TBL1X: variants seen among roughly 807,000 people sequenced by gnomAD.
The protein encoded by TBL1X is F-box-like/WD repeat-containing protein TBL1X.
A neutral mutation model predicts 50.7 loss-of-function variants in TBL1X; 10 were observed. The observed-to-expected ratio is 0.20, with a 90% confidence interval of 0.12 to 0.33. The LOEUF is 0.33. TBL1X is among the 10% of genes least tolerant of loss of function. The pLI, the probability that TBL1X is intolerant of heterozygous loss-of-function variation, is 1.00. For synonymous variants in TBL1X, 190 were observed against 214.7 expected (o/e 0.88, Z 1.01); for missense variants, 340 against 504.4 (o/e 0.67, Z 3.12).
intron 11 of TBL1X, among the ~76,000 whole-genome samples, chrX:9,695,964 C>A (rs934567239): frequency 4.4e-5 from 5 of 112,419 alleles, no homozygotes; most frequent in African/African-American, 1.6e-4. Flanking sequence ...ACCATCATTA[C>A]TTAGTCAACC....
chrX:9,546,073 C>T (rs1051216644), intron 2 of TBL1X, among the ~76,000 whole-genome samples: 6 of 111,942 alleles, frequency 5.4e-5, no homozygotes, highest in Non-Finnish European at 9.4e-5. Flanking sequence ...CACCAGATGG[C>T]TCCCTGTTGA....
chrX:9,519,814 T>C lies in TBL1X; in HGVS notation c.-131+17965T>C, dbSNP rs72611501. On this transcript the variant is annotated intron_variant, in intron 2 of 17. Coordinates refer to ENST00000645353, the MANE Select transcript of TBL1X (RefSeq NM_005647.4). ...GGGGTTGGAGGAACGGGGATAAAAA[T>C]TAGCTAGAATTCAAAAACGGCAGTG... 1.0e-3 allele frequency among the ~76,000 whole-genome samples: 116 copies of C among 111,903 alleles called. No homozygotes were observed. The East Asian group carries it at 0.014, about 13-fold the overall frequency.
At chrX:9,543,423 C>A (rs1166864866) in intron 2 of TBL1X, among the ~76,000 whole-genome samples, 1 of 111,374 alleles carries the variant, frequency 9.0e-6, no homozygotes, top group Admixed American at 9.5e-5. Context: ...TGGGTATTTT[C>A]CTGATTCGAA....
intron 5 of TBL1X, among the ~76,000 whole-genome samples, chrX:9,679,884 G>A (rs1485897970): frequency 8.9e-6 from 1 of 112,209 alleles, no homozygotes; most frequent in African/African-American, 3.2e-5. Context: ...GCAGCCTCTA[G>A]TACATAGTCC....
chrX:9,661,659 C>G (rs2082899486), intron 5 of TBL1X, among the ~76,000 whole-genome samples: 1 of 111,542 alleles, frequency 9.0e-6, no homozygotes, highest in Admixed American at 9.5e-5. Flanking sequence ...CCTCCTCTTT[C>G]CACAACAAAC....
chrX:9,589,388 C>T (rs771143524), intron 2 of TBL1X, among the ~76,000 whole-genome samples: 6 of 108,403 alleles, frequency 5.5e-5, no homozygotes, highest in East Asian at 2.9e-4. Flanking sequence ...TGGCGCCAGG[C>T]TCCAGTTCCC....
intron 2 of TBL1X, among the ~76,000 whole-genome samples, chrX:9,606,863 C>G (rs1455142948): frequency 8.9e-6 from 1 of 112,272 alleles, no homozygotes; most frequent in East Asian, 2.8e-4. Flanking sequence ...AACTTCAGAA[C>G]TGCTGCTGTC....
At chrX:9,677,642 G>T (rs777176980) in intron 5 of TBL1X, among the ~76,000 whole-genome samples, 17 of 111,003 alleles carry the variant, frequency 1.5e-4, no homozygotes, top group Non-Finnish European at 3.0e-4. Flanking sequence ...CAGCTTCTCG[G>T]TCCCTGTGTG....
At chrX:9,567,629 G>A (rs776984049) in intron 2 of TBL1X, among the ~76,000 whole-genome samples, 5 of 112,162 alleles carry the variant, frequency 4.5e-5, no homozygotes, top group Admixed American at 3.8e-4. Context: ...GGGCTGTCTT[G>A]CCCAGGTGGC....
At chrX:9,571,777 T>C (rs1220249256) in intron 2 of TBL1X, among the ~76,000 whole-genome samples, 1 of 111,820 alleles carries the variant, frequency 8.9e-6, no homozygotes, top group Admixed American at 9.5e-5. Context: ...ACTGTTCTAC[T>C]TTCTGTCTCT....
intron 5 of TBL1X, among the ~76,000 whole-genome samples, chrX:9,663,677 C>G (rs1419110891): frequency 4.6e-5 from 5 of 107,874 alleles, no homozygotes; most frequent in Admixed American, 1.0e-4. Flanking sequence ...AGGAGAAACG[C>G]TGGAACCCAG....
intron 11 of TBL1X, among the ~76,000 whole-genome samples, chrX:9,694,700 G>A (rs930938114): frequency 1.8e-5 from 2 of 111,871 alleles, no homozygotes; most frequent in South Asian, 3.7e-4. Context: ...TTGGCCGGTC[G>A]TGGTGGCTCA....
At chrX:9,569,333 T>TGTGC (rs1318937701) in intron 2 of TBL1X, among the ~76,000 whole-genome samples, 5 of 23,059 alleles carry the variant, frequency 2.2e-4, no homozygotes, top group Admixed American at 5.7e-4. Flanking sequence ...GTGTTGTGTC[T>TGTGC]ATCTGTGCAG....
At chrX:9,687,920 C>T in intron 6 of TBL1X, 97 bp from the exon 7 acceptor site, 1 of 1,125,195 alleles carries the variant, frequency 8.9e-7, no homozygotes, top group Non-Finnish European at 1.2e-6. Flanking sequence ...CTGTTTACGC[C>T]CCACTTCCCT....
chrX:9,669,727 G>A, intron 5 of TBL1X, among the ~76,000 whole-genome samples: 1 of 111,311 alleles, frequency 9.0e-6, no homozygotes, highest in African/African-American at 3.3e-5. Flanking sequence ...TTTACCTTGG[G>A]GTCTGCAGCT....
At chrX:9,591,621 G>A (rs765687199) in intron 2 of TBL1X, among the ~76,000 whole-genome samples, 4 of 112,056 alleles carry the variant, frequency 3.6e-5, no homozygotes, top group Admixed American at 9.4e-5. Context: ...AGTGCCCAGA[G>A]GGGGGAAGAG....
At chrX:9,635,000 A>G (rs1190052153) in intron 2 of TBL1X, among the ~76,000 whole-genome samples, 1 of 111,177 alleles carries the variant, frequency 9.0e-6, no homozygotes, top group Non-Finnish European at 1.9e-5. Context: ...GAGTGATACC[A>G]GCGTGGGGTC....
At chrX:9,481,971 A>T (rs1309618035) in intron 1 of TBL1X, among the ~76,000 whole-genome samples, 7 of 112,417 alleles carry the variant, frequency 6.2e-5, no homozygotes, top group Non-Finnish European at 1.3e-4. Context: ...AATTAGTCCT[A>T]ATGTGATTTG....
intron 2 of TBL1X, among the ~76,000 whole-genome samples, chrX:9,576,483 C>T (rs1323147667): frequency 8.9e-6 from 1 of 111,925 alleles, no homozygotes; most frequent in Non-Finnish European, 1.9e-5. Flanking sequence ...TCATGTCAAC[C>T]ATCTGTCCTT....
Sources: allele counts gnomAD v4.1 joint callset (sites outside exome capture counted in the v4.1 genomes callset), GRCh38; gene constraint gnomAD v4.1.1; transcripts MANE v1.5; gene names NCBI Gene and HGNC (gene_info 2026-07-23, HGNC 2026-07-21).